Variants in CCDC82 observed in about 807,000 individuals in gnomAD.
The protein encoded by CCDC82 is coiled-coil domain containing 82.
CCDC82 carries 47 observed loss-of-function variants against 60.6 expected under a neutral mutation model. The observed-to-expected ratio is 0.77, with a 90% CI of 0.61 to 0.99. The LOEUF is 0.99. Among genes scored for constraint, CCDC82 ranks in the 50% least tolerant of loss-of-function variants. CCDC82 has a pLI of 0.00. For synonymous variants in CCDC82, 212 were observed against 207.4 expected, an observed-to-expected ratio of 1.02 and a Z score of -0.19; for missense variants, 588 against 633.0, an observed-to-expected ratio of 0.93 and a Z score of 0.76.
Position 96,384,726 on chromosome 11 carries a change from C to G in CCDC82, c.22G>C (p.Glu8Gln), listed in dbSNP as rs763851399. The G allele has an allele frequency of 6.2e-7, 1 of 1,607,002 alleles. No homozygotes were observed. Among genetic ancestry groups the G allele is most frequent in the South Asian group, 1.1e-5 (1 of 89,456 alleles). ...TGACTCTTAGAATTTCTCCTTGTTTCATGTCTTCTAACATGTATCATTTTC... is the reference window on the plus strand; with the variant it reads ...TGACTCTTAGAATTTCTCCTTGTTTGATGTCTTCTAACATGTATCATTTTC... MIHVRRHETRRNSKSHVP... is the reference protein window; with the variant it reads MIHVRRHQTRRNSKSHVP... Residue 8 changes from glutamate (E) to glutamine (Q), a missense_variant, in exon 4 of 10, where the codon GAA becomes CAA. Transcript: ENST00000646818.
intron 8 of CCDC82, among the ~76,000 whole-genome samples, chr11:96,361,007 TATTAAA>T (rs1864635215): frequency 1.3e-5 from 2 of 152,244 alleles, no homozygotes; most frequent in South Asian, 4.1e-4. Context: ...GTACATGGCT[TATTAAA>T]ATTAACTTTT....
intron 9 of CCDC82, 119 bp from the exon 10 acceptor site, chr11:96,353,833 C>G: frequency 1.6e-6 from 1 of 643,486 alleles, no homozygotes; most frequent in Admixed American, 2.8e-5. Flanking sequence ...GAACAAAAAT[C>G]TTTTTATGAT....
chr11:96,380,897 G>A (rs1865843109), intron 5 of CCDC82: 1 of 151,564 alleles, frequency 6.6e-6, no homozygotes, highest in African/African-American at 2.4e-5. Flanking sequence ...ATAGTGTAAT[G>A]GTAGATACAT....
At chr11:96,389,301 T>C (rs1322173076) in intron 1 of CCDC82, 3 of 152,152 alleles carry the variant, frequency 2.0e-5, no homozygotes, top group African/African-American at 7.2e-5. Flanking sequence ...GAATGAGTGG[T>C]AGACAGTGGA....
rs1429177496 is a variant in CCDC82, at chr11:96,352,793, CT to C, written c.*852del. The C allele has an allele frequency of 6.6e-6, 1 of 152,176 alleles. No homozygotes were observed. Among genetic ancestry groups the C allele is most frequent in the African/African-American group, 2.4e-5 (1 of 41,442 alleles). 9.4% of individuals were successfully genotyped at this position (152,176 alleles called of 1,614,324 possible). ...ATTTGTTCACTCTGCAACCATTTTA[CT>C]TTATTACTTTATGGGAAAATTTAGA... is the stretch of plus-strand genomic sequence containing the variant. On this transcript the variant is annotated 3_prime_UTR_variant, in exon 10 of 10. Coordinates refer to ENST00000646818, the MANE Select transcript of CCDC82 (RefSeq NM_024725.4).
At position 96,377,204 on chromosome 11, in the gene CCDC82, C is replaced by T. The variant is rs901798400; in HGVS notation, c.992-3737G>A. Among the ~76,000 whole-genome samples the T allele has an allele frequency of 5.9e-5, 9 of 152,156 alleles. No individual in the cohort carries two copies. In the South Asian group the frequency reaches 1.9e-3, roughly 32 times the overall value. ...CTTTTTCTACTTTAACATATCTCCC[C>T]TATCTTCACCCTTGTAGGGCAAAAA... On this transcript the variant is annotated intron_variant, in intron 5 of 9. Transcript: ENST00000646818.
chr11:96,353,982 CATG>C (rs1314548596), intron 9 of CCDC82: 9 of 262,496 alleles, frequency 3.4e-5, no homozygotes, highest in African/African-American at 1.1e-4. Flanking sequence ...TTTATATTAT[CATG>C]ATTACAGTAG....
chr11:96,353,782 C>T, intron 9 of CCDC82, 68 bp from the exon 10 acceptor site: 1 of 1,029,564 alleles, frequency 9.7e-7, no homozygotes, highest in African/African-American at 1.6e-5. Flanking sequence ...CCTTTGCAAA[C>T]TACAGACACA....
intron 5 of CCDC82, among the ~76,000 whole-genome samples, chr11:96,377,224 C>CA: frequency 6.6e-6 from 1 of 152,194 alleles, no homozygotes; most frequent in Non-Finnish European, 1.5e-5. Context: ...CCTTGTAGGG[C>CA]AAAAAGAATG....
intron 9 of CCDC82, chr11:96,358,425 C>G: frequency 8.1e-7 from 1 of 1,228,346 alleles, no homozygotes; most frequent in African/African-American, 1.6e-5. Context: ...ATTTAGTGAT[C>G]AATAGGATAT....
chr11:96,368,019 C>A (rs1283322524), intron 7 of CCDC82, among the ~76,000 whole-genome samples: 1 of 151,956 alleles, frequency 6.6e-6, no homozygotes, highest in East Asian at 1.9e-4. Flanking sequence ...CGGGGTTTCA[C>A]CATGTTGGCC....
chr11:96,353,898 T>G (rs1189986680), intron 9 of CCDC82, 184 bp from the exon 10 acceptor site: 1 of 444,496 alleles, frequency 2.2e-6, no homozygotes, highest in East Asian at 3.6e-5. Flanking sequence ...ACTCATATAT[T>G]TCCATATAGA....
chr11:96,353,781 A>C, intron 9 of CCDC82, 67 bp from the exon 10 acceptor site: 1 of 1,030,274 alleles, frequency 9.7e-7, no homozygotes, highest in Non-Finnish European at 1.5e-6. Flanking sequence ...GCCTTTGCAA[A>C]CTACAGACAC....
chr11:96,358,878 G>T (rs1215298702), intron 9 of CCDC82, 115 bp downstream of exon 9: 19 of 1,039,670 alleles, frequency 1.8e-5, no homozygotes, highest in Non-Finnish European at 2.4e-5. Flanking sequence ...AAATACAAAC[G>T]ACAGAAGAAA....
At chr11:96,356,739 C>T (rs975345511) in intron 9 of CCDC82, 1 of 979,170 alleles carries the variant, frequency 1.0e-6, no homozygotes, top group African/African-American at 1.7e-5. Flanking sequence ...AGTATCATTA[C>T]ATTAAAAACG....
chr11:96,386,565 T>C (rs1451206368), intron 2 of CCDC82: 2 of 152,192 alleles, frequency 1.3e-5, no homozygotes, highest in African/African-American at 4.8e-5. Flanking sequence ...AAGCGATATG[T>C]TTCGATTTTT....
chr11:96,356,303 G>A (rs756163051), intron 9 of CCDC82: 25 of 415,324 alleles, frequency 6.0e-5, no homozygotes, highest in East Asian at 1.6e-4. Flanking sequence ...GAAGAGAAGC[G>A]TTTAAGGAAG....
At chr11:96,379,945 A>G (rs1565318531) in intron 5 of CCDC82, among the ~76,000 whole-genome samples, 1 of 151,786 alleles carries the variant, frequency 6.6e-6, no homozygotes, top group African/African-American at 2.4e-5. Flanking sequence ...CCCTGGAAAC[A>G]TCAAAATTTA....
chr11:96,383,434 C>T lies in CCDC82; in HGVS notation c.826G>A (p.Asp276Asn). Residue 276 changes from aspartate (D) to asparagine (N), a missense_variant, in exon 5 of 10, where the codon GAT becomes AAT. Coordinates refer to ENST00000646818, the MANE Select transcript of CCDC82 (RefSeq NM_024725.4). Reference sequence around the variant, plus strand: ...TAATTATCCTCTTCTTCCTCCTCATCAACTTCATCACTGCTTGGGCAAGAT... The same window carrying T: ...TAATTATCCTCTTCTTCCTCCTCATTAACTTCATCACTGCTTGGGCAAGAT... ...KESCPSSDEV[D>N]EEEEEDNYES... 1 of 1,605,358 alleles carries T rather than the reference C, an allele frequency of 6.2e-7. No individual in the cohort carries two copies. Among genetic ancestry groups the T allele is most frequent in the Non-Finnish European group, 8.5e-7 (1 of 1,175,684 alleles).
Sources: gnomAD v4.1 joint callset for allele counts (sites outside exome capture counted in the v4.1 genomes callset) on GRCh38, gnomAD v4.1.1 for gene constraint, MANE v1.5 for transcripts, NCBI Gene and HGNC (gene_info 2026-07-23, HGNC 2026-07-21) for gene names.